Variants in ARHGAP15 observed in about 807,000 individuals in gnomAD.
The protein encoded by ARHGAP15 is rho GTPase-activating protein 15.
In ARHGAP15, 51 loss-of-function variants were observed where a neutral mutation model predicts 63.7. The observed-to-expected ratio is 0.80, with a 90% confidence interval of 0.64 to 1.01. ARHGAP15 has a LOEUF of 1.01. Ranked by LOEUF, ARHGAP15 falls within the 50% of genes least tolerant of loss-of-function variation. The pLI, the probability that ARHGAP15 is intolerant of heterozygous loss-of-function variation, is 0.00. For synonymous variants in ARHGAP15, 191 were observed against 193.8 expected (o/e 0.99, Z 0.12); for missense variants, 560 against 564.6 (o/e 0.99, Z 0.08).
intron 11 of ARHGAP15, among the ~76,000 whole-genome samples, chr2:143,617,129 A>G (rs1273059540): frequency 1.3e-5 from 2 of 152,218 alleles, no homozygotes; most frequent in Admixed American, 6.5e-5. Flanking sequence ...CAATTTTTCA[A>G]CTAATTCCAG....
chr2:143,255,613 C>T (rs1289488119), intron 6 of ARHGAP15, among the ~76,000 whole-genome samples: 1 of 143,662 alleles, frequency 7.0e-6, no homozygotes, highest in Non-Finnish European at 1.5e-5. Context: ...TTAATAACAT[C>T]TTAAAAAAAC....
At chr2:143,439,949 A>G (rs1689803326) in intron 8 of ARHGAP15, among the ~76,000 whole-genome samples, 1 of 152,128 alleles carries the variant, frequency 6.6e-6, no homozygotes, top group African/African-American at 2.4e-5. Flanking sequence ...TTTTGATTTC[A>G]CTATTAAAAT....
chr2:143,680,823 G>A (rs1683066630), intron 12 of ARHGAP15, among the ~76,000 whole-genome samples: 2 of 152,192 alleles, frequency 1.3e-5, no homozygotes, highest in Admixed American at 1.3e-4. Context: ...ACAGGGCAGT[G>A]AGTAATATTA....
At chr2:143,688,451 C>T (rs1683449155) in intron 12 of ARHGAP15, among the ~76,000 whole-genome samples, 1 of 152,098 alleles carries the variant, frequency 6.6e-6, no homozygotes, top group Admixed American at 6.6e-5. Context: ...AAGGGTGGAC[C>T]ACAAGAAAGG....
At chr2:143,561,515 CT>C (rs34149132) in intron 11 of ARHGAP15, among the ~76,000 whole-genome samples, 65,848 of 137,860 alleles carry the variant, frequency 0.48, 15,368 homozygotes, top group Non-Finnish European at 0.56. Context: ...TTTTCTTTTT[CT>C]TTTTTTTTTT....
chr2:143,249,112 CAAT>C lies in ARHGAP15; in HGVS notation c.385-1396_385-1394del, dbSNP rs143584774. ...CCTGGGTGGCAGAGCGTGGGTGAAA[CAAT>C]AAAAACTTTTCACTGATCAAAATCT... On this transcript the variant is annotated intron_variant, in intron 5 of 13. Coordinates refer to ENST00000295095, the MANE Select transcript of ARHGAP15 (RefSeq NM_018460.4). Among the ~76,000 whole-genome samples, 824 of 152,084 alleles carry C rather than the reference CAAT, an allele frequency of 5.4e-3. 7 individuals carry two copies. Among genetic ancestry groups the C allele is most frequent in the African/African-American group, 0.019 (795 of 41,498 alleles).
intron 11 of ARHGAP15, among the ~76,000 whole-genome samples, chr2:143,609,473 C>T (rs528128986): frequency 7.9e-5 from 12 of 152,192 alleles, no homozygotes; most frequent in East Asian, 3.9e-4. Flanking sequence ...GGGATAAATG[C>T]GTGTACATGT....
chr2:143,339,420 A>T (rs1215764471), intron 6 of ARHGAP15, among the ~76,000 whole-genome samples: 1 of 152,170 alleles, frequency 6.6e-6, no homozygotes, highest in Non-Finnish European at 1.5e-5. Context: ...TACAGCAATG[A>T]ATTATAATGG....
chr2:143,214,618 G>A (rs1692679895), intron 3 of ARHGAP15, among the ~76,000 whole-genome samples: 1 of 152,182 alleles, frequency 6.6e-6, no homozygotes, highest in South Asian at 2.1e-4. Context: ...ATGCTGTAGA[G>A]TTGTGGAGAA....
In ARHGAP15 at chr2:143,438,224, GAAGAGCTGC is replaced by G. The variant is rs562525868; in HGVS notation, c.703+1183_703+1191del. On this transcript the variant is annotated intron_variant, in intron 8 of 13. Transcript: ENST00000295095. ...ATTTAAAGAGAACTCAGTAAGTTGA[GAAGAGCTGC>G]TAATGGAATATATGTGTACATATAT... Among the ~76,000 whole-genome samples the G allele has an allele frequency of 3.4e-3, 511 of 152,126 alleles. 8 individuals carry two copies. The highest frequency in any genetic ancestry group is 6.6e-4 in the Non-Finnish European group (45 of 68,006).
intron 9 of ARHGAP15, 36 bp downstream of exon 9, chr2:143,487,531 T>G: frequency 6.3e-7 from 1 of 1,592,990 alleles, no homozygotes; most frequent in South Asian, 1.2e-5. Context: ...ATAACTGTGA[T>G]AAATGAATGT....
intron 10 of ARHGAP15, among the ~76,000 whole-genome samples, chr2:143,542,785 A>G (rs1046427609): frequency 7.8e-6 from 1 of 128,524 alleles, no homozygotes; most frequent in East Asian, 2.0e-4. Context: ...TATATGATAT[A>G]TATAATATCA....
chr2:143,627,066 A>G (rs1030958689), intron 12 of ARHGAP15, among the ~76,000 whole-genome samples: 1 of 152,188 alleles, frequency 6.6e-6, no homozygotes, highest in African/African-American at 2.4e-5. Context: ...TATTAGCCAG[A>G]GAGTGGGCCC....
intron 4 of ARHGAP15, among the ~76,000 whole-genome samples, chr2:143,219,263 G>A (rs1003689640): frequency 1.3e-5 from 2 of 152,172 alleles, no homozygotes; most frequent in African/African-American, 4.8e-5. Context: ...ACAGTAACAT[G>A]CTGTACAGGT....
intron 6 of ARHGAP15, among the ~76,000 whole-genome samples, chr2:143,307,612 T>C (rs1040124177): frequency 6.6e-6 from 1 of 151,830 alleles, no homozygotes; most frequent in African/African-American, 2.4e-5. Flanking sequence ...GATCTGGAGG[T>C]AACTGGTTAA....
intron 11 of ARHGAP15, among the ~76,000 whole-genome samples, chr2:143,591,875 C>T (rs1697335612): frequency 6.6e-6 from 1 of 152,098 alleles, no homozygotes; most frequent in Admixed American, 6.6e-5. Context: ...CTGCCTCAGC[C>T]TCCCAAAGTG....
At chr2:143,158,373 T>A (rs1690163146) in intron 2 of ARHGAP15, among the ~76,000 whole-genome samples, 1 of 151,878 alleles carries the variant, frequency 6.6e-6, no homozygotes. Flanking sequence ...TATCCAACCC[T>A]CAGCTATGCA....
At chr2:143,397,341 T>TGG (rs1558943966) in intron 6 of ARHGAP15, among the ~76,000 whole-genome samples, 1 of 148,666 alleles carries the variant, frequency 6.7e-6, no homozygotes, top group African/African-American at 2.5e-5. Context: ...TGTGTGTGTG[T>TGG]GTGTGTATAT....
chr2:143,525,717 G>T (rs1006681839), intron 10 of ARHGAP15, among the ~76,000 whole-genome samples: 3 of 152,076 alleles, frequency 2.0e-5, no homozygotes, highest in African/African-American at 7.2e-5. Flanking sequence ...GCTCTTTGGG[G>T]TAGTCACGCT....
Sources: allele counts gnomAD v4.1 joint callset (sites outside exome capture counted in the v4.1 genomes callset), GRCh38; gene constraint gnomAD v4.1.1; transcripts MANE v1.5; gene names NCBI Gene and HGNC (gene_info 2026-07-23, HGNC 2026-07-21).